Variants in CCSER1 observed in about 807,000 individuals in gnomAD.
The protein encoded by CCSER1 is serine-rich coiled-coil domain-containing protein 1.
In CCSER1, 41 loss-of-function variants were observed where a neutral mutation model predicts 82.0. The ratio of observed to expected loss-of-function variants is 0.50; its 90% CI spans 0.39 to 0.65. The LOEUF (loss-of-function observed/expected upper bound fraction) is 0.65, where lower values mean the gene tolerates loss of function less well. CCSER1 is among the 30% of genes least tolerant of loss of function. CCSER1 has a pLI of 0.00. For missense variants in CCSER1, 1,119 were observed against 1,064.2 expected, an observed-to-expected ratio of 1.05 and a Z score of -0.72; for synonymous variants, 414 against 383.9, an observed-to-expected ratio of 1.08 and a Z score of -0.92.
intron 3 of CCSER1, among the ~76,000 whole-genome samples, chr4:90,338,405 AC>A (rs1740791434): frequency 6.6e-6 from 1 of 152,156 alleles, no homozygotes; most frequent in Admixed American, 6.5e-5. Context: ...CTTGTTTTAA[AC>A]AAAAAGAATT....
chr4:90,478,659 A>G (rs944427188), intron 5 of CCSER1, among the ~76,000 whole-genome samples: 4 of 152,102 alleles, frequency 2.6e-5, no homozygotes, highest in African/African-American at 9.7e-5. Context: ...CAGACAACAA[A>G]GGCACATGGA....
chr4:91,058,010 A>T (rs1379325906), intron 9 of CCSER1, among the ~76,000 whole-genome samples: 4 of 152,048 alleles, frequency 2.6e-5, no homozygotes, highest in Non-Finnish European at 5.9e-5. Flanking sequence ...CAAAACCCAG[A>T]TTCCTTTTAT....
chr4:91,086,064 A>C (rs1202096396), intron 10 of CCSER1, 70 bp downstream of exon 10: 2 of 906,158 alleles, frequency 2.2e-6, no homozygotes, highest in Non-Finnish European at 3.5e-6. Context: ...TGATGTGGTG[A>C]TGGTGATTGA....
At chr4:90,893,895 A>G (rs1269546986) in intron 8 of CCSER1, among the ~76,000 whole-genome samples, 1 of 152,020 alleles carries the variant, frequency 6.6e-6, no homozygotes, top group East Asian at 1.9e-4. Flanking sequence ...GTGTTAAATT[A>G]TTCACATATT....
At chr4:90,212,500 C>T (rs964310355) in intron 1 of CCSER1, among the ~76,000 whole-genome samples, 3 of 152,062 alleles carry the variant, frequency 2.0e-5, no homozygotes, top group African/African-American at 7.2e-5. Flanking sequence ...TAGTTAAATA[C>T]ATTTGAAGGA....
intron 6 of CCSER1, among the ~76,000 whole-genome samples, chr4:90,655,102 A>G (rs1729472316): frequency 6.6e-6 from 1 of 152,078 alleles, no homozygotes; most frequent in African/African-American, 2.4e-5. Flanking sequence ...TTAAAAAAGT[A>G]TACTTGATAT....
At chr4:90,743,303 ATAAC>A (rs5860202) in intron 7 of CCSER1, among the ~76,000 whole-genome samples, 49,088 of 151,790 alleles carry the variant, frequency 0.32, 8,992 homozygotes, top group African/African-American at 0.51. Context: ...GGATTAAATT[ATAAC>A]TAATAGCAAA....
intron 8 of CCSER1, among the ~76,000 whole-genome samples, chr4:90,858,183 A>G (rs895146844): frequency 2.0e-5 from 3 of 152,004 alleles, no homozygotes; most frequent in Non-Finnish European, 4.4e-5. Flanking sequence ...TCTTTTTCCT[A>G]TATTTCCATC....
intron 7 of CCSER1, among the ~76,000 whole-genome samples, chr4:90,792,826 C>T (rs1755454194): frequency 6.6e-6 from 1 of 152,140 alleles, no homozygotes; most frequent in Non-Finnish European, 1.5e-5. Context: ...TAGATACTTC[C>T]AAGGGCTCTG....
At chr4:90,916,800 C>A (rs1025065291) in intron 8 of CCSER1, among the ~76,000 whole-genome samples, 3 of 152,088 alleles carry the variant, frequency 2.0e-5, no homozygotes, top group South Asian at 2.1e-4. Flanking sequence ...CTACAAAGAA[C>A]TCAAACAAAT....
intron 10 of CCSER1, among the ~76,000 whole-genome samples, chr4:91,538,718 C>T (rs989444824): frequency 3.3e-5 from 1 of 30,250 alleles, no homozygotes; most frequent in Non-Finnish European, 6.5e-5. Context: ...TATAATATCT[C>T]AGTGCCATCT....
intron 10 of CCSER1, among the ~76,000 whole-genome samples, chr4:91,423,581 A>G (rs1162733866): frequency 6.6e-6 from 1 of 152,172 alleles, no homozygotes; most frequent in Non-Finnish European, 1.5e-5. Context: ...AATTTCTAAC[A>G]TATAGCTTAT....
intron 3 of CCSER1, among the ~76,000 whole-genome samples, chr4:90,356,326 ATTATC>A (rs1374589340): frequency 1.3e-5 from 2 of 151,788 alleles, no homozygotes; most frequent in African/African-American, 4.8e-5. Flanking sequence ...GGATGAACTA[ATTATC>A]TTAATGTGAT....
At chr4:90,573,956 T>C (rs1780402924) in intron 5 of CCSER1, among the ~76,000 whole-genome samples, 1 of 152,072 alleles carries the variant, frequency 6.6e-6, no homozygotes, top group African/African-American at 2.4e-5. Flanking sequence ...ATAAGTATCT[T>C]CTTTTTTGCT....
chr4:90,709,227 A>G (rs1025675743), intron 6 of CCSER1, among the ~76,000 whole-genome samples: 1 of 152,180 alleles, frequency 6.6e-6, no homozygotes, highest in Non-Finnish European at 1.5e-5. Context: ...TATTATATAC[A>G]TTAATGATGC....
chr4:90,578,436 T>G (rs1375261223), intron 5 of CCSER1, among the ~76,000 whole-genome samples: 1 of 151,920 alleles, frequency 6.6e-6, no homozygotes, highest in Non-Finnish European at 1.5e-5. Flanking sequence ...CCAGGCTGAG[T>G]TTTTGTCATA....
intron 10 of CCSER1, among the ~76,000 whole-genome samples, chr4:91,294,128 C>A (rs1743978312): frequency 6.6e-6 from 1 of 151,856 alleles, no homozygotes; most frequent in Non-Finnish European, 1.5e-5. Context: ...CTTGATATTA[C>A]AAGTAATTTA....
chr4:91,550,966 C>G (rs1482856539), intron 10 of CCSER1, among the ~76,000 whole-genome samples: 3 of 152,020 alleles, frequency 2.0e-5, no homozygotes, highest in Non-Finnish European at 4.4e-5. Context: ...TCATGACTTA[C>G]TTTAAGAACA....
chr4:90,953,341 GA>G (rs1733111183), intron 9 of CCSER1, among the ~76,000 whole-genome samples: 1 of 135,090 alleles, frequency 7.4e-6, no homozygotes, highest in Non-Finnish European at 1.7e-5. Context: ...GTATTTCATT[GA>G]TTTTTTTTTA....
Sources: allele counts gnomAD v4.1 joint callset (sites outside exome capture counted in the v4.1 genomes callset), GRCh38; gene constraint gnomAD v4.1.1; transcripts MANE v1.5; gene names NCBI Gene and HGNC (gene_info 2026-07-23, HGNC 2026-07-21).